Variants in MEI4 observed in about 807,000 individuals in gnomAD.
MEI4 encodes meiosis-specific protein MEI4.
In MEI4, 27 loss-of-function variants were observed where a neutral mutation model predicts 31.4. That is an observed-to-expected ratio of 0.86 (90% CI 0.63 to 1.19). MEI4 has a LOEUF of 1.19. Ranked by LOEUF, MEI4 falls within the 50% of genes most tolerant of loss-of-function variation. The probability of loss-of-function intolerance (pLI) is 0.00; values close to 1 mark genes in which losing one functional copy is unlikely to be tolerated. For missense variants in MEI4, 329 were observed against 398.9 expected, an observed-to-expected ratio of 0.82 and a Z score of 1.49; for synonymous variants, 122 against 145.4, an observed-to-expected ratio of 0.84 and a Z score of 1.16.
chr6:77,923,462 AAT>A lies in MEI4; in HGVS notation c.*120_*121del, dbSNP rs1491488299. On this transcript the variant is annotated 3_prime_UTR_variant, in exon 5 of 5. Coordinates refer to ENST00000684080, the MANE Select transcript of MEI4 (RefSeq NM_001322247.2). ...ATTAGCATTTTAGAATTGATCTCTA[AAT>A]ATAATTATCAATTCAACTTAATGGT... is the stretch of plus-strand genomic sequence containing the variant. 24 of 807,762 alleles carry A rather than the reference AAT, an allele frequency of 3.0e-5. No homozygotes were observed. The highest frequency in any genetic ancestry group is 3.8e-5 in the Non-Finnish European group (23 of 603,628). The allele number at this position is 807,762 out of a possible 1,614,324, so 50.0% of individuals were successfully genotyped here.
intron 3 of MEI4, among the ~76,000 whole-genome samples, chr6:77,817,240 G>T (rs1361827369): frequency 6.6e-6 from 1 of 152,064 alleles, no homozygotes; most frequent in Non-Finnish European, 1.5e-5. Flanking sequence ...GCAGAAACTT[G>T]GTTGAACTTG....
chr6:77,809,687 A>G (rs1334250780), intron 3 of MEI4, among the ~76,000 whole-genome samples: 1 of 152,184 alleles, frequency 6.6e-6, no homozygotes, highest in Non-Finnish European at 1.5e-5. Flanking sequence ...GTCTTTTGAC[A>G]TATTCTCCAG....
At chr6:77,837,686 T>G (rs766741474) in intron 4 of MEI4, among the ~76,000 whole-genome samples, 1 of 152,164 alleles carries the variant, frequency 6.6e-6, no homozygotes, top group Non-Finnish European at 1.5e-5. Context: ...ACATAAAATG[T>G]TTGCCAATTC....
intron 1 of MEI4, among the ~76,000 whole-genome samples, chr6:77,678,262 T>A (rs1045385858): frequency 3.9e-5 from 6 of 152,246 alleles, no homozygotes; most frequent in Non-Finnish European, 7.3e-5. Context: ...TCTGCTGCTA[T>A]TCGGCCTGTA....
At chr6:77,734,253 T>C (rs577750898) in intron 2 of MEI4, among the ~76,000 whole-genome samples, 4 of 152,110 alleles carry the variant, frequency 2.6e-5, no homozygotes, top group Admixed American at 6.5e-5. Context: ...TATTAATGTG[T>C]GGGAGTCTAA....
chr6:77,784,085 T>A (rs1768668567), intron 3 of MEI4, among the ~76,000 whole-genome samples: 2 of 152,142 alleles, frequency 1.3e-5, no homozygotes, highest in East Asian at 1.9e-4. Flanking sequence ...GCCTATTTTT[T>A]AAATAGTGAT....
chr6:77,706,274 A>G (rs1472112309), intron 2 of MEI4, among the ~76,000 whole-genome samples: 1 of 152,128 alleles, frequency 6.6e-6, no homozygotes, highest in East Asian at 1.9e-4. Flanking sequence ...ATCATAAGAC[A>G]CTCATTTCAG....
intron 2 of MEI4, among the ~76,000 whole-genome samples, chr6:77,697,538 C>G (rs1450018483): frequency 1.3e-5 from 2 of 152,176 alleles, no homozygotes; most frequent in African/African-American, 2.4e-5. Context: ...AGTAGTCATT[C>G]AGAAGCATGT....
At chr6:77,656,685 C>G (rs1437402608) in intron 1 of MEI4, among the ~76,000 whole-genome samples, 1 of 152,076 alleles carries the variant, frequency 6.6e-6, no homozygotes, top group Non-Finnish European at 1.5e-5. Context: ...AGATAGTTCT[C>G]AAGAGGTTGT....
chr6:77,827,096 C>T (rs1219434524), intron 3 of MEI4, among the ~76,000 whole-genome samples: 2 of 152,072 alleles, frequency 1.3e-5, no homozygotes, highest in African/African-American at 4.8e-5. Context: ...CGCGGTGGCT[C>T]ACACCTGTAA....
At chr6:77,906,065 C>G (rs1766289884) in intron 4 of MEI4, among the ~76,000 whole-genome samples, 2 of 152,058 alleles carry the variant, frequency 1.3e-5, no homozygotes, top group African/African-American at 4.8e-5. Flanking sequence ...TAAAATTTAT[C>G]ATTTTTTAAT....
chr6:77,865,875 T>C (rs1771012531), intron 4 of MEI4, among the ~76,000 whole-genome samples: 2 of 152,126 alleles, frequency 1.3e-5, no homozygotes, highest in African/African-American at 4.8e-5. Flanking sequence ...AAAAAGCTTA[T>C]CCAACATGAT....
chr6:77,909,730 C>T (rs1173325186), intron 4 of MEI4, among the ~76,000 whole-genome samples: 1 of 152,096 alleles, frequency 6.6e-6, no homozygotes, highest in Non-Finnish European at 1.5e-5. Context: ...CATCCTGATA[C>T]CAAAGCCTGG....
intron 2 of MEI4, among the ~76,000 whole-genome samples, chr6:77,712,993 A>G (rs1202845245): frequency 3.9e-5 from 6 of 151,992 alleles, no homozygotes; most frequent in African/African-American, 1.5e-4. Context: ...AAGAAGAAGC[A>G]TTATTGATGG....
chr6:77,801,073 G>A (rs1769241639), intron 3 of MEI4, among the ~76,000 whole-genome samples: 1 of 152,178 alleles, frequency 6.6e-6, no homozygotes, highest in Admixed American at 6.5e-5. Context: ...AATGGTACCA[G>A]CTCCTCCTTG....
At chr6:77,713,128 A>G (rs1766504094) in intron 2 of MEI4, among the ~76,000 whole-genome samples, 1 of 152,148 alleles carries the variant, frequency 6.6e-6, no homozygotes, top group Non-Finnish European at 1.5e-5. Context: ...AGCTCTGTCA[A>G]CATTAGCTAA....
intron 4 of MEI4, among the ~76,000 whole-genome samples, chr6:77,913,456 A>G: frequency 6.6e-6 from 1 of 152,064 alleles, no homozygotes; most frequent in Admixed American, 6.6e-5. Context: ...TACTGATACA[A>G]TTTCATTACT....
In MEI4 at chr6:77,744,156, C is replaced by G. The variant is rs1305441956; in HGVS notation, c.233-16974C>G. ...CGAGTTGAGAGAAGAAGGCTTCAGA[C>G]GATCAAACTACTCCGAGCTACAGGA... On this transcript the variant is annotated intron_variant, in intron 2 of 4. Coordinates refer to ENST00000684080, the MANE Select transcript of MEI4 (RefSeq NM_001322247.2). Among the ~76,000 whole-genome samples, 9 of 152,126 alleles carry G rather than the reference C, an allele frequency of 5.9e-5. No individual in the cohort carries two copies. In the East Asian group the frequency reaches 1.5e-3, roughly 26 times the overall value.
Position 77,683,663 on chromosome 6 carries a change from T to C in MEI4, c.-14-6995T>C, listed in dbSNP as rs111466780. On this transcript the variant is annotated intron_variant, in intron 1 of 4. Transcript: ENST00000684080. ...AAATCATGCAGAAGTTATCTTTCTG[T>C]GCCTGGCTCATTTCACTCAGCATAA... is the stretch of plus-strand genomic sequence containing the variant. Among the ~76,000 whole-genome samples the C allele has an allele frequency of 5.2e-3, 786 of 152,292 alleles. 7 individuals carry two copies. Among genetic ancestry groups the C allele is most frequent in the African/African-American group, 0.018 (767 of 41,570 alleles).
Sources: allele counts gnomAD v4.1 joint callset (sites outside exome capture counted in the v4.1 genomes callset), GRCh38; gene constraint gnomAD v4.1.1; transcripts MANE v1.5; gene names NCBI Gene and HGNC (gene_info 2026-07-23, HGNC 2026-07-21).